Variants in CNTLN observed in about 807,000 individuals in gnomAD.
CNTLN encodes the protein centlein, centrosomal protein.
CNTLN carries 212 observed loss-of-function variants against 180.0 expected under a neutral mutation model. The ratio of observed to expected loss-of-function variants is 1.18; its 90% CI spans 1.05 to 1.32. The LOEUF (loss-of-function observed/expected upper bound fraction) is 1.32, where lower values mean the gene tolerates loss of function less well. CNTLN is among the 40% of genes most tolerant of loss of function. The pLI is 0.00. For missense variants in CNTLN, 2,095 were observed against 1,610.9 expected (o/e 1.30, Z -5.14); for synonymous variants, 722 against 563.1 (o/e 1.28, Z -3.99).
In CNTLN at chr9:17,459,056, T is replaced by C. The variant is rs78759957; in HGVS notation, c.3306+1341T>C. The stretch of plus-strand genomic sequence containing the variant: ...TCATATATTTAAGTCCTCATGATTC[T>C]GATATAACTTTGTTTTTCACCAAGA... On this transcript the variant is annotated intron_variant, in intron 19 of 25. Coordinates refer to ENST00000380647, the MANE Select transcript of CNTLN (RefSeq NM_017738.4). Among the ~76,000 whole-genome samples the C allele has an allele frequency of 1.6e-4, 25 of 151,986 alleles. No homozygotes were observed. In the East Asian group the frequency reaches 4.8e-3, roughly 29 times the overall value.
chr9:17,495,286 C>T (rs1459883468), intron 25 of CNTLN, among the ~76,000 whole-genome samples: 1 of 151,484 alleles, frequency 6.6e-6, no homozygotes, highest in Admixed American at 6.6e-5. Context: ...GGAGGTATTC[C>T]AGAAGAAGGC....
intron 8 of CNTLN, among the ~76,000 whole-genome samples, chr9:17,313,673 A>G (rs1587625313): frequency 6.6e-6 from 1 of 152,266 alleles, no homozygotes; most frequent in Non-Finnish European, 1.5e-5. Context: ...ACCAAATTGG[A>G]AAAAAATTTT....
intron 2 of CNTLN, among the ~76,000 whole-genome samples, chr9:17,164,820 C>CT (rs1045555356): frequency 1.4e-5 from 2 of 147,256 alleles, no homozygotes; most frequent in Non-Finnish European, 1.5e-5. Context: ...GAACATTTTT[C>CT]TTTTTTTTTC....
chr9:17,211,861 G>T (rs939055625), intron 2 of CNTLN, among the ~76,000 whole-genome samples: 1 of 152,086 alleles, frequency 6.6e-6, no homozygotes, highest in Non-Finnish European at 1.5e-5. Context: ...CTGTTTGTCT[G>T]TTGTTGGTGT....
chr9:17,289,458 A>T (rs1364398896), intron 6 of CNTLN, among the ~76,000 whole-genome samples: 1 of 130,878 alleles, frequency 7.6e-6, no homozygotes, highest in Admixed American at 7.7e-5. Context: ...CCTTCATTTC[A>T]ACTTTGGTGA....
chr9:17,489,644 C>G (rs1025797224), intron 25 of CNTLN, among the ~76,000 whole-genome samples: 1 of 151,924 alleles, frequency 6.6e-6, no homozygotes, highest in Non-Finnish European at 1.5e-5. Flanking sequence ...AAAAGCTGTT[C>G]TTCCATGTGG....
chr9:17,309,190 C>A lies in CNTLN; in HGVS notation c.1279C>A (p.Gln427Lys). The change falls in exon 8 of 26, where the codon CAG becomes AAG. Residue 427 changes from glutamine (Q) to lysine (K), a missense_variant. By Grantham distance (53) the Gln-to-Lys change is moderately conservative (BLOSUM62 1). Transcript: ENST00000380647. ...QENAKLKEKLQESQGAPLPLP... is the reference protein window; with the variant it reads ...QENAKLKEKLKESQGAPLPLP... ...AAATGCTAAGTTAAAAGAAAAACTT[C>A]AGGAATCACAGGGAGCACCTCTTCC... 6.2e-7 allele frequency: 1 copy of A among 1,609,484 alleles called. No individual in the cohort carries two copies.
intron 12 of CNTLN, among the ~76,000 whole-genome samples, chr9:17,354,748 A>C (rs1481318277): frequency 6.6e-6 from 1 of 152,122 alleles, no homozygotes; most frequent in Non-Finnish European, 1.5e-5. Flanking sequence ...GAATAAAAGC[A>C]GGCTGCCCGA....
chr9:17,190,441 A>C (rs1467546534), intron 2 of CNTLN, among the ~76,000 whole-genome samples: 1 of 152,060 alleles, frequency 6.6e-6, no homozygotes, highest in Non-Finnish European at 1.5e-5. Context: ...TAATTGTACC[A>C]TGAAAGGATT....
At chr9:17,159,922 A>G (rs770340958) in intron 2 of CNTLN, among the ~76,000 whole-genome samples, 5 of 152,224 alleles carry the variant, frequency 3.3e-5, no homozygotes, top group Admixed American at 2.0e-4. Context: ...AGAGTGGGTC[A>G]GGAGAGCTCT....
chr9:17,399,965 C>T (rs186188551), intron 15 of CNTLN, among the ~76,000 whole-genome samples: 11 of 152,284 alleles, frequency 7.2e-5, no homozygotes, highest in Non-Finnish European at 1.0e-4. Flanking sequence ...CGCATGTAAC[C>T]GTTTCTTCGG....
chr9:17,338,128 C>T (rs1353867698), intron 10 of CNTLN, among the ~76,000 whole-genome samples: 1 of 138,994 alleles, frequency 7.2e-6, no homozygotes, highest in East Asian at 2.1e-4. Context: ...CTCCTTCTTT[C>T]CTTCCTTCCT....
chr9:17,206,236 CCAAA>C (rs910609080), intron 2 of CNTLN, among the ~76,000 whole-genome samples: 3 of 152,192 alleles, frequency 2.0e-5, no homozygotes, highest in Non-Finnish European at 2.9e-5. Flanking sequence ...TTTAACCAAA[CCAAA>C]CAGTCTATTT....
chr9:17,300,502 C>T (rs1005073939), intron 7 of CNTLN: 2 of 152,234 alleles, frequency 1.3e-5, no homozygotes, highest in African/African-American at 4.8e-5. Flanking sequence ...CAGAATTCGA[C>T]TACTTCCCAC....
chr9:17,389,850 C>G (rs1825960506), intron 14 of CNTLN, among the ~76,000 whole-genome samples: 1 of 152,098 alleles, frequency 6.6e-6, no homozygotes, highest in South Asian at 2.1e-4. Flanking sequence ...TGTATTATCT[C>G]AGAACGTGGC....
chr9:17,294,942 C>T (rs1306559760), intron 6 of CNTLN, among the ~76,000 whole-genome samples: 42 of 142,820 alleles, frequency 2.9e-4, no homozygotes, highest in Admixed American at 7.6e-4. Context: ...GGGGGAGGCT[C>T]AGGCATGGTG....
At chr9:17,150,170 C>G (rs1818758035) in intron 2 of CNTLN, among the ~76,000 whole-genome samples, 1 of 152,196 alleles carries the variant, frequency 6.6e-6, no homozygotes. Flanking sequence ...TCCCATTTGT[C>G]TCTTTTGGCT....
chr9:17,440,344 C>T (rs893199946), intron 18 of CNTLN, among the ~76,000 whole-genome samples: 5 of 146,734 alleles, frequency 3.4e-5, no homozygotes, highest in Admixed American at 7.0e-5. Context: ...GAGGCCGAGG[C>T]GGGTGGATCA....
intron 19 of CNTLN, 81 bp from the exon 20 acceptor site, chr9:17,462,835 C>T: frequency 1.9e-6 from 1 of 522,542 alleles, no homozygotes; most frequent in South Asian, 4.4e-5. Context: ...AGGTATTCTT[C>T]TTTAGAATGG....
Sources: allele counts gnomAD v4.1 joint callset (sites outside exome capture counted in the v4.1 genomes callset), GRCh38; gene constraint gnomAD v4.1.1; transcripts MANE v1.5; gene names NCBI Gene and HGNC (gene_info 2026-07-23, HGNC 2026-07-21).